TECTA: variants seen among roughly 807,000 people sequenced by gnomAD.
The protein encoded by TECTA is alpha-tectorin.
TECTA carries 128 observed loss-of-function variants against 216.8 expected under a neutral mutation model. That is an observed-to-expected ratio of 0.59 (90% CI 0.51 to 0.68). The LOEUF (loss-of-function observed/expected upper bound fraction) is 0.68. TECTA is among the 30% of genes least tolerant of loss of function. The pLI, the probability that TECTA is intolerant of heterozygous loss-of-function variation, is 0.00. For synonymous variants in TECTA, 1,089 were observed against 1,117.1 expected (o/e 0.97, Z 0.50); for missense variants, 2,551 against 2,786.2 (o/e 0.92, Z 1.90).
chr11:121,108,415 C>T (rs185501209), intron 3 of TECTA, among the ~76,000 whole-genome samples: 2 of 151,092 alleles, frequency 1.3e-5, no homozygotes, highest in East Asian at 3.9e-4. Flanking sequence ...ATGCCCAGTA[C>T]ACAAACATAT....
chr11:121,106,321 C>T (rs1946389991), intron 3 of TECTA, among the ~76,000 whole-genome samples: 1 of 152,120 alleles, frequency 6.6e-6, no homozygotes, highest in South Asian at 2.1e-4. Context: ...TCTTTCCCTT[C>T]TGGGGGTGTG....
rs140393508 is a variant in TECTA at position 121,102,698 on chromosome 11, C to G, written c.33C>G (p.Val11=). 6.2e-7 allele frequency: 1 copy of G among 1,613,726 alleles called. No individual in the cohort carries two copies. Among genetic ancestry groups the G allele is most frequent in the Non-Finnish European group, 8.5e-7 (1 of 1,179,774 alleles). Residue 11 remains valine (V), a synonymous_variant, in exon 2 of 24, where the codon GTC becomes GTG. Transcript: ENST00000392793. ...ATTCATCATTCCTTAGAATTTGGGTCTCTTTCATCTTCGCACTTGTACAGC... is the reference window on the plus strand; with the variant it reads ...ATTCATCATTCCTTAGAATTTGGGTGTCTTTCATCTTCGCACTTGTACAGC... MNYSSFLRIW[V]SFIFALVQHQ...
chr11:121,182,621 A>T (rs915753155), intron 20 of TECTA, among the ~76,000 whole-genome samples: 26 of 152,078 alleles, frequency 1.7e-4, no homozygotes, highest in African/African-American at 6.0e-4. Context: ...GAGCACTGGC[A>T]GTGGGTGGGG....
chr11:121,110,466 C>T (rs1445306440), intron 4 of TECTA: 1 of 152,218 alleles, frequency 6.6e-6, no homozygotes, highest in East Asian at 1.9e-4. Flanking sequence ...ACACCACGAA[C>T]ACATTATGTT....
chr11:121,186,715 AGT>A (rs745640546), intron 20 of TECTA, among the ~76,000 whole-genome samples: 3 of 152,252 alleles, frequency 2.0e-5, no homozygotes, highest in Admixed American at 6.5e-5. Flanking sequence ...AAACATATTA[AGT>A]GTGGGAATGC....
Position 121,105,790 on chromosome 11 carries a change from G to A in TECTA, c.65-41G>A. 6.2e-7 allele frequency: 1 copy of A among 1,613,460 alleles called. No homozygotes were observed. The highest frequency in any genetic ancestry group is 1.7e-4 in the Middle Eastern group (1 of 6,016). ...GAGAGATGTAGATTGCCAAACGGCA[G>A]AGGGAGCTGCCATCTATCTAACCAT... On this transcript the variant is annotated intron_variant, in intron 2 of 23. Coordinates refer to ENST00000392793, the MANE Select transcript of TECTA (RefSeq NM_005422.4). This position sits in a 1 kb window ranked among gnomAD's most constrained non-coding sequence, Gnocchi z 5.3.
At chr11:121,166,486 T>C (rs1373285901) in intron 17 of TECTA, 92 bp from the exon 18 acceptor site, 2 of 1,364,900 alleles carry the variant, frequency 1.5e-6, no homozygotes, top group Non-Finnish European at 2.1e-6. Context: ...ATTTGCCTCT[T>C]CTAAAGGAGA....
At chr11:121,117,355 C>T (rs972301405) in intron 6 of TECTA, among the ~76,000 whole-genome samples, 1 of 152,134 alleles carries the variant, frequency 6.6e-6, no homozygotes, top group African/African-American at 2.4e-5. Flanking sequence ...CTGCCCAGTT[C>T]TCTTGACCCC....
intron 11 of TECTA, 68 bp from the exon 12 acceptor site, chr11:121,145,487 T>A: frequency 6.5e-7 from 1 of 1,543,966 alleles, no homozygotes; most frequent in South Asian, 1.1e-5. Flanking sequence ...AAGAGACTCA[T>A]CGTTAGGAGA....
In TECTA at chr11:121,162,086, C is replaced by T. The variant is rs199924193; in HGVS notation, c.4988C>T (p.Pro1663Leu). Reference protein sequence around the residue: ...TNGMQKRPLAPSCNELQFSQY... With the variant: ...TNGMQKRPLALSCNELQFSQY... ...CTCAGTCTGACCAGACCTCTTGCCC[C>T]CAGCTGCAACGAGCTGCAGTTCTCA... The change falls in exon 16 of 24, where the codon CCC becomes CTC. Residue 1663 changes from proline to leucine, a missense_variant. By Grantham distance (98) the Pro-to-Leu change is moderately conservative. Around this residue, in one of 3 missense-constraint regions of TECTA, gnomAD observed 2,375 missense variants for 2,563.9 expected, o/e 0.93. Coordinates refer to ENST00000392793, the MANE Select transcript of TECTA (RefSeq NM_005422.4). The T allele has an allele frequency of 1.2e-6, 2 of 1,614,060 alleles. No individual in the cohort carries two copies. The highest frequency in any genetic ancestry group is 2.2e-5 in the East Asian group (1 of 44,884).
At chr11:121,133,159 T>C (rs915554027) in intron 10 of TECTA, among the ~76,000 whole-genome samples, 1 of 152,250 alleles carries the variant, frequency 6.6e-6, no homozygotes, top group Non-Finnish European at 1.5e-5. Context: ...AGAACACCTG[T>C]AAACTCATTG....
intron 6 of TECTA, among the ~76,000 whole-genome samples, chr11:121,117,701 C>A (rs1340891055): frequency 1.3e-5 from 2 of 152,146 alleles, no homozygotes; most frequent in Admixed American, 6.5e-5. Flanking sequence ...GTAAATCCTG[C>A]CTAAGCAGCA....
intron 11 of TECTA, among the ~76,000 whole-genome samples, chr11:121,144,209 C>T (rs1454309608): frequency 6.6e-6 from 1 of 152,098 alleles, no homozygotes; most frequent in East Asian, 1.9e-4. Context: ...CCTAGAGAGC[C>T]CAGGGTGATG....
intron 10 of TECTA, among the ~76,000 whole-genome samples, chr11:121,133,569 T>C (rs1946696066): frequency 6.6e-6 from 1 of 152,208 alleles, no homozygotes; most frequent in Non-Finnish European, 1.5e-5. Context: ...TCTTTGTCTT[T>C]TCTGATATGG....
intron 20 of TECTA, among the ~76,000 whole-genome samples, chr11:121,180,651 T>TA (rs1947217972): frequency 6.6e-6 from 1 of 152,192 alleles, no homozygotes; most frequent in African/African-American, 2.4e-5. Context: ...TAGATGTTTA[T>TA]ATCTCTTGCA....
Position 121,146,019 on chromosome 11 carries a change from C to T in TECTA, c.4008C>T (p.Gly1336=), listed in dbSNP as rs762931060. The stretch of plus-strand genomic sequence containing the variant: ...TGTTTGACTCTTGCATCGATGGGGG[C>T]GCGGTGCAGACCGCCTGCAGCTGGC... The part of the protein sequence containing the change: ...NCLFDSCIDG[G]AVQTACSWLQ... The change falls in exon 12 of 24, where the codon GGC becomes GGT. Residue 1336 remains glycine, a synonymous_variant. Coordinates refer to ENST00000392793, the MANE Select transcript of TECTA (RefSeq NM_005422.4). 1.4e-5 allele frequency: 22 copies of T among 1,614,066 alleles called. No homozygotes were observed. The highest frequency in any genetic ancestry group is 1.6e-4 in the Middle Eastern group (1 of 6,062).
Position 121,157,826 on chromosome 11 carries a change from G to A in TECTA, c.4306-15G>A. Reference sequence around the variant, plus strand: ...CCACAGTCTGAATTTAATGCAAACGGCGCCTCTCTTCCAGCCCAAGCAGCT... The same window carrying A: ...CCACAGTCTGAATTTAATGCAAACGACGCCTCTCTTCCAGCCCAAGCAGCT... On this transcript the variant is annotated splice_polypyrimidine_tract_variant and intron_variant, in intron 13 of 23. Coordinates refer to ENST00000392793, the MANE Select transcript of TECTA (RefSeq NM_005422.4). 1 of 1,613,338 alleles carries A rather than the reference G, an allele frequency of 6.2e-7. No homozygotes were observed. The highest frequency in any genetic ancestry group is 8.5e-7 in the Non-Finnish European group (1 of 1,180,032).
At position 121,152,982 on chromosome 11, in the gene TECTA, G is replaced by GT. The variant is rs1565531452; in HGVS notation, c.4208dup (p.Glu1404GlyfsTer147). 2 of 1,614,202 alleles carry GT rather than the reference G, an allele frequency of 1.2e-6. No individual in the cohort carries two copies. Among genetic ancestry groups the GT allele is most frequent in the South Asian group, 1.1e-5 (1 of 91,088 alleles). On this transcript the variant is annotated frameshift_variant, in exon 13 of 24. Transcript: ENST00000392793. LOFTEE classifies it high-confidence loss of function. ...GAAGAGTGACTGCAGCCACTACTGC[G>GT]TGGAGGGCTGTCACTGCGACGCTGG...
At chr11:121,153,944 G>A (rs1946917729) in intron 13 of TECTA, among the ~76,000 whole-genome samples, 1 of 152,292 alleles carries the variant, frequency 6.6e-6, no homozygotes, top group African/African-American at 2.4e-5. Flanking sequence ...AGATAATTGA[G>A]TATCTGCTGT....
Sources: gnomAD v4.1 joint callset for allele counts (sites outside exome capture counted in the v4.1 genomes callset) on GRCh38, gnomAD v4.1.1 for gene constraint, gnomAD v4.1.1 regional missense constraint, Gnocchi (gnomAD v3.1) non-coding constraint, MANE v1.5 for transcripts, NCBI Gene and HGNC (gene_info 2026-07-23, HGNC 2026-07-21) for gene names.